Variants in SLC8A1 observed in about 807,000 individuals in gnomAD.
SLC8A1 encodes the protein solute carrier family 8 member A1, also known as sodium/calcium exchanger 1.
SLC8A1 carries 18 observed loss-of-function variants against 68.3 expected under a neutral mutation model. The ratio of observed to expected loss-of-function variants is 0.26; its 90% CI spans 0.18 to 0.39. The LOEUF is 0.39. Among genes scored for constraint, SLC8A1 ranks in the 10% least tolerant of loss-of-function variants. SLC8A1 has a pLI of 1.00. For missense variants in SLC8A1, 985 were observed against 1,156.7 expected (o/e 0.85, Z 2.15); for synonymous variants, 475 against 415.5 (o/e 1.14, Z -1.74).
intron 2 of SLC8A1, among the ~76,000 whole-genome samples, chr2:40,252,485 A>T (rs1396967038): frequency 6.6e-6 from 1 of 152,002 alleles, no homozygotes; most frequent in Non-Finnish European, 1.5e-5. Flanking sequence ...GGCGCCCGCC[A>T]CCAAGCCCAA....
chr2:40,151,021 C>T (rs1162157022), intron 6 of SLC8A1, among the ~76,000 whole-genome samples: 1 of 152,126 alleles, frequency 6.6e-6, no homozygotes, highest in Non-Finnish European at 1.5e-5. Context: ...TTAGTCATGT[C>T]CTCCGCTTTT....
chr2:40,191,404 A>G (rs1038154830), intron 2 of SLC8A1, among the ~76,000 whole-genome samples: 2 of 152,258 alleles, frequency 1.3e-5, no homozygotes, highest in Admixed American at 6.5e-5. Context: ...ATAGGTAAGC[A>G]TCACAAGATA....
chr2:40,317,744 A>C (rs1478525187), intron 2 of SLC8A1, among the ~76,000 whole-genome samples: 1 of 152,110 alleles, frequency 6.6e-6, no homozygotes, highest in Non-Finnish European at 1.5e-5. Flanking sequence ...AGTTGCCCTT[A>C]CTTAAAAAAT....
At chr2:40,119,715 C>T in intron 7 of SLC8A1, among the ~76,000 whole-genome samples, 1 of 152,154 alleles carries the variant, frequency 6.6e-6, no homozygotes, top group African/African-American at 2.4e-5. Flanking sequence ...TTGATAATAA[C>T]ACATGTATTT....
chr2:40,383,223 A>T (rs1682470421), intron 2 of SLC8A1, among the ~76,000 whole-genome samples: 1 of 152,048 alleles, frequency 6.6e-6, no homozygotes. Flanking sequence ...AATTTTTCAC[A>T]TTTTTTTGAA....
At chr2:40,391,408 G>A (rs1685223754) in intron 2 of SLC8A1, among the ~76,000 whole-genome samples, 1 of 151,930 alleles carries the variant, frequency 6.6e-6, no homozygotes, top group Non-Finnish European at 1.5e-5. Flanking sequence ...AATACTTTCT[G>A]GAAGCTCTAA....
intron 1 of SLC8A1, among the ~76,000 whole-genome samples, chr2:40,437,744 T>G (rs1699711915): frequency 6.6e-6 from 1 of 152,150 alleles, no homozygotes; most frequent in African/African-American, 2.4e-5. Flanking sequence ...ATCTTAAATT[T>G]AAGCCAATAA....
At chr2:40,246,643 G>A (rs937256550) in intron 2 of SLC8A1, among the ~76,000 whole-genome samples, 1 of 152,154 alleles carries the variant, frequency 6.6e-6, no homozygotes, top group Non-Finnish European at 1.5e-5. Flanking sequence ...CCTCCAAACA[G>A]ACCTTTCATA....
At chr2:40,397,226 G>A (rs970507801) in intron 2 of SLC8A1, among the ~76,000 whole-genome samples, 1 of 152,108 alleles carries the variant, frequency 6.6e-6, no homozygotes. Flanking sequence ...TTTCTGAATT[G>A]TATTCCACTG....
chr2:40,238,337 C>G (rs963567645), intron 2 of SLC8A1, among the ~76,000 whole-genome samples: 3 of 152,160 alleles, frequency 2.0e-5, no homozygotes, highest in African/African-American at 7.2e-5. Context: ...GTTGGAAAAG[C>G]GCAGTATTCG....
chr2:40,218,095 A>G (rs1394505471), intron 2 of SLC8A1, among the ~76,000 whole-genome samples: 1 of 88,138 alleles, frequency 1.1e-5, no homozygotes, highest in Non-Finnish European at 2.7e-5. Flanking sequence ...TCAACTTCTT[A>G]CAGTTAGTTT....
intron 2 of SLC8A1, among the ~76,000 whole-genome samples, chr2:40,301,606 G>C (rs2071468477): frequency 6.7e-6 from 1 of 149,774 alleles, no homozygotes; most frequent in Admixed American, 6.6e-5. Context: ...GGGTGGGAGG[G>C]AAGTGAGGGA....
chr2:40,261,388 G>A (rs575318452), intron 2 of SLC8A1, among the ~76,000 whole-genome samples: 4 of 152,292 alleles, frequency 2.6e-5, no homozygotes, highest in Non-Finnish European at 4.4e-5. Context: ...TTTGTACCAA[G>A]CAGGGGCACC....
chr2:40,367,141 G>A (rs1676484403), intron 2 of SLC8A1, among the ~76,000 whole-genome samples: 1 of 151,966 alleles, frequency 6.6e-6, no homozygotes, highest in African/African-American at 2.4e-5. Flanking sequence ...ACCTGCCAGT[G>A]TGCTGATCCC....
intron 1 of SLC8A1, among the ~76,000 whole-genome samples, chr2:40,482,634 A>G (rs1397291562): frequency 6.6e-6 from 1 of 152,112 alleles, no homozygotes; most frequent in Non-Finnish European, 1.5e-5. Flanking sequence ...ACAGCTGGTA[A>G]GTGGCAGAGT....
intron 2 of SLC8A1, among the ~76,000 whole-genome samples, chr2:40,295,165 T>C (rs139849148): frequency 1.2e-4 from 18 of 152,184 alleles, no homozygotes; most frequent in African/African-American, 4.1e-4. Flanking sequence ...AGTGGTGCAA[T>C]CATGGCTCAC....
rs2066047225 is a variant in SLC8A1 at position 40,271,667 on chromosome 2, C to T, written c.1809-93812G>A. Among the ~76,000 whole-genome samples, 3 of 152,114 alleles carry T rather than the reference C, an allele frequency of 2.0e-5. 1 individual carries two copies. The highest frequency in any genetic ancestry group is 1.3e-4 in the Admixed American group (2 of 15,276). ...TGGGAGCCAAGAACAGTGACTTGCA[C>T]ATTGGAGGTATTCAAATAACTGTTG... On this transcript the variant is annotated intron_variant, in intron 2 of 7. Coordinates refer to ENST00000406785, the Ensembl canonical transcript of SLC8A1.
chr2:40,446,347 G>A lies in SLC8A1; in HGVS notation c.-25+5557C>T, dbSNP rs1431091767. On this transcript the variant is annotated intron_variant, in intron 1 of 7. Transcript: ENST00000406785. ...GTTTCAGATCCTGTTTCTGTGGCAT[G>A]GTCCTGACTGGGACACAGAACGGAA... is the stretch of plus-strand genomic sequence containing the variant. The A allele has an allele frequency of 2.0e-5, 3 of 152,160 alleles. No individual in the cohort carries two copies. The East Asian group carries it at 5.8e-4, about 29-fold the overall frequency. 9.4% of individuals were successfully genotyped at this position (152,160 alleles called of 1,614,324 possible). A position where few individuals can be genotyped will look rare whatever the true frequency, so the allele number is the denominator to read the frequency against.
chr2:40,314,905 C>T (rs930905448), intron 2 of SLC8A1, among the ~76,000 whole-genome samples: 3 of 151,936 alleles, frequency 2.0e-5, no homozygotes, highest in African/African-American at 4.8e-5. Context: ...AGATTTTTAT[C>T]AGATTTTTAT....
Sources: gnomAD v4.1 joint callset for allele counts (sites outside exome capture counted in the v4.1 genomes callset) on GRCh38, gnomAD v4.1.1 for gene constraint, MANE v1.5 for transcripts, NCBI Gene and HGNC (gene_info 2026-07-23, HGNC 2026-07-21) for gene names.